The following PREX2 variants were observed in gnomAD, a reference collection of about 807,000 sequenced individuals.
The protein encoded by PREX2 is phosphatidylinositol 3,4,5-trisphosphate-dependent Rac exchanger 2 protein.
A neutral mutation model predicts 203.2 loss-of-function variants in PREX2; 107 were observed. The observed-to-expected ratio is 0.53, with a 90% CI of 0.45 to 0.62. The LOEUF (loss-of-function observed/expected upper bound fraction) is 0.62, where lower values mean the gene tolerates loss of function less well. Among genes scored for constraint, PREX2 ranks in the 20% least tolerant of loss-of-function variants. PREX2 has a pLI of 0.00. For missense variants in PREX2, 1,777 were observed against 1,955.9 expected (o/e 0.91, Z 1.72); for synonymous variants, 672 against 663.6 (o/e 1.01, Z -0.19).
chr8:68,217,526 G>A, intron 37 of PREX2, 90 bp from the exon 38 acceptor site: 7 of 894,050 alleles, frequency 7.8e-6, no homozygotes, highest in Non-Finnish European at 1.3e-5. Context: ...TTTGGCTGGT[G>A]CTTTCTGATT....
intron 39 of PREX2, 57 bp from the exon 40 acceptor site, chr8:68,231,276 A>G: frequency 7.9e-7 from 1 of 1,264,734 alleles, no homozygotes; most frequent in Non-Finnish European, 1.1e-6. Flanking sequence ...CAATAAAGAC[A>G]CCTCATGTAA....
Position 68,191,553 on chromosome 8 carries a change from T to G in PREX2, c.4347-169T>G, listed in dbSNP as rs1812294601. On this transcript the variant is annotated intron_variant, in intron 35 of 39. Coordinates refer to ENST00000288368, the MANE Select transcript of PREX2 (RefSeq NM_024870.4). The stretch of plus-strand genomic sequence containing the variant: ...AGACCCGGTGGTAATTTTATCCATC[T>G]TTTTAAAATGGAAACCTTTTGACAT... 2.0e-5 allele frequency among the ~76,000 whole-genome samples: 3 copies of G among 152,222 alleles called. No individual in the cohort carries two copies. The South Asian group carries it at 6.2e-4, about 31-fold the overall frequency.
chr8:68,194,811 A>G (rs1812364153), intron 37 of PREX2, among the ~76,000 whole-genome samples: 1 of 152,002 alleles, frequency 6.6e-6, no homozygotes, highest in African/African-American at 2.4e-5. Flanking sequence ...AAAAAAAAAA[A>G]AAATATGAAG....
chr8:68,209,587 T>G (rs1330814864), intron 37 of PREX2, among the ~76,000 whole-genome samples: 1 of 152,100 alleles, frequency 6.6e-6, no homozygotes, highest in Non-Finnish European at 1.5e-5. Context: ...TGACTAAAAG[T>G]AGCCTCATAG....
chr8:68,022,204 G>A (rs927662254), intron 4 of PREX2, 64 bp downstream of exon 4: 3 of 825,320 alleles, frequency 3.6e-6, no homozygotes, highest in South Asian at 1.4e-5. Flanking sequence ...GAGAGCCAAG[G>A]AATAGCATCA....
At chr8:67,995,094 G>A (rs1367004221) in intron 1 of PREX2, among the ~76,000 whole-genome samples, 1 of 151,494 alleles carries the variant, frequency 6.6e-6, no homozygotes, top group African/African-American at 2.4e-5. Context: ...AGACTACATG[G>A]TGTACCTTTA....
intron 34 of PREX2, among the ~76,000 whole-genome samples, chr8:68,148,099 T>C (rs1811363488): frequency 6.6e-6 from 1 of 151,886 alleles, no homozygotes; most frequent in Non-Finnish European, 1.5e-5. Context: ...ATACAAAAAT[T>C]AGCCAGGTGT....
chr8:68,065,335 GA>G (rs1179815236), intron 11 of PREX2, among the ~76,000 whole-genome samples: 1 of 152,110 alleles, frequency 6.6e-6, no homozygotes, highest in Non-Finnish European at 1.5e-5. Flanking sequence ...TTGCATAGGA[GA>G]AAAAAATTGT....
At chr8:67,959,897 A>C (rs1455601793) in intron 1 of PREX2, among the ~76,000 whole-genome samples, 1 of 152,122 alleles carries the variant, frequency 6.6e-6, no homozygotes, top group African/African-American at 2.4e-5. Context: ...TTGGGCAAAC[A>C]ACACAGCCTC....
At chr8:68,130,258 C>A (rs1334313442) in intron 31 of PREX2, among the ~76,000 whole-genome samples, 2 of 151,672 alleles carry the variant, frequency 1.3e-5, no homozygotes, top group African/African-American at 4.9e-5. Context: ...CCACTGTACT[C>A]CAGCCTGGGT....
chr8:68,228,960 A>AG (rs1413715881), intron 39 of PREX2, among the ~76,000 whole-genome samples: 11 of 123,662 alleles, frequency 8.9e-5, no homozygotes, highest in Admixed American at 4.5e-4. Flanking sequence ...AAAAAAAAAA[A>AG]AAAAAAAGAA....
intron 35 of PREX2, among the ~76,000 whole-genome samples, chr8:68,183,146 G>A (rs1471069973): frequency 1.3e-5 from 2 of 152,002 alleles, no homozygotes; most frequent in African/African-American, 4.8e-5. Context: ...TGATATTAAA[G>A]CAAGGTAATG....
At chr8:68,006,120 A>G (rs1807084963) in intron 1 of PREX2, among the ~76,000 whole-genome samples, 2 of 152,190 alleles carry the variant, frequency 1.3e-5, no homozygotes, top group East Asian at 1.9e-4. Flanking sequence ...GCTCATTAGC[A>G]GTTTGCTGGT....
intron 1 of PREX2, among the ~76,000 whole-genome samples, chr8:68,010,829 A>T (rs1407290680): frequency 6.6e-6 from 1 of 152,164 alleles, no homozygotes; most frequent in African/African-American, 2.4e-5. Context: ...TATAAACATC[A>T]TACATTTCCT....
intron 30 of PREX2, among the ~76,000 whole-genome samples, chr8:68,127,147 G>A (rs949257556): frequency 2.0e-5 from 3 of 152,006 alleles, no homozygotes. Context: ...ATTTGTGTAG[G>A]CAAACAGGCA....
intron 1 of PREX2, among the ~76,000 whole-genome samples, chr8:67,973,077 T>C (rs771121678): frequency 2.0e-5 from 3 of 152,270 alleles, no homozygotes; most frequent in Non-Finnish European, 4.4e-5. Flanking sequence ...AATGCCGTGT[T>C]GATTTCTGTT....
intron 35 of PREX2, among the ~76,000 whole-genome samples, chr8:68,188,026 A>G (rs1812224560): frequency 6.6e-6 from 1 of 152,234 alleles, no homozygotes; most frequent in Non-Finnish European, 1.5e-5. Flanking sequence ...TCTGAATGAA[A>G]TATGAAAGTA....
At chr8:68,021,318 G>C (rs1243800323) in intron 3 of PREX2, among the ~76,000 whole-genome samples, 1 of 152,114 alleles carries the variant, frequency 6.6e-6, no homozygotes, top group Non-Finnish European at 1.5e-5. Context: ...GAGCTACATA[G>C]GACTGTCAGT....
intron 11 of PREX2, among the ~76,000 whole-genome samples, chr8:68,063,479 C>T (rs1808921760): frequency 6.6e-6 from 1 of 152,110 alleles, no homozygotes; most frequent in Admixed American, 6.6e-5. Flanking sequence ...CTGTCAGACC[C>T]TAGACCCTGC....
Sources: allele counts gnomAD v4.1 joint callset (sites outside exome capture counted in the v4.1 genomes callset), GRCh38; gene constraint gnomAD v4.1.1; transcripts MANE v1.5; gene names NCBI Gene and HGNC (gene_info 2026-07-23, HGNC 2026-07-21).